TCTA: variants seen among roughly 807,000 people sequenced by gnomAD.
The protein encoded by TCTA is T cell leukemia translocation altered.
A neutral mutation model predicts 13.5 loss-of-function variants in TCTA; 13 were observed. That is an observed-to-expected ratio of 0.96 (90% CI 0.63 to 1.53). TCTA has a LOEUF of 1.53. TCTA is among the 40% of genes most tolerant of loss of function. The pLI, the probability that TCTA is intolerant of heterozygous loss-of-function variation, is 0.00. For missense variants in TCTA, 138 were observed against 131.3 expected, an observed-to-expected ratio of 1.05 and a Z score of -0.25; for synonymous variants, 58 against 59.0, an observed-to-expected ratio of 0.98 and a Z score of 0.08.
Position 49,415,045 on chromosome 3 carries a change from G to A in TCTA, c.*183G>A, listed in dbSNP as rs1301770462. On this transcript the variant is annotated 3_prime_UTR_variant, in exon 3 of 3. Transcript: ENST00000273590. ...AGCCTGCTCCCTCACCCAGGCACTG[G>A]GCAAGTGAAGAGTTTGCCTGTACTC... 1.6e-6 allele frequency: 1 copy of A among 641,880 alleles called. No individual in the cohort carries two copies. The highest frequency in any genetic ancestry group is 2.8e-5 in the East Asian group (1 of 35,550). The allele number at this position is 641,880 out of a possible 1,614,324, so 39.8% of individuals were successfully genotyped here. A position where few individuals can be genotyped will look rare whatever the true frequency, so the allele number is the denominator to read the frequency against.
chr3:49,412,692 T>G (rs1235857336), intron 1 of TCTA, 52 bp downstream of exon 1: 1 of 1,508,856 alleles, frequency 6.6e-7, no homozygotes, highest in Admixed American at 1.9e-5. Flanking sequence ...CCCCACCCTC[T>G]CCCGACTGTA....
At chr3:49,413,410 A>G (rs2048973903) in intron 2 of TCTA, 1 of 423,350 alleles carries the variant, frequency 2.4e-6, no homozygotes, top group Non-Finnish European at 4.4e-6. Flanking sequence ...TTGGGAAGGC[A>G]GTAATCTCTG....
Position 49,415,261 on chromosome 3 carries a change from A to C in TCTA, c.*399A>C, listed in dbSNP as rs1270339806. The C allele has an allele frequency of 5.8e-6, 1 of 171,294 alleles. No individual in the cohort carries two copies. The highest frequency in any genetic ancestry group is 1.3e-5 in the Non-Finnish European group (1 of 79,312). 10.6% of individuals were successfully genotyped at this position (171,294 alleles called of 1,614,324 possible). ...GCCAGGCATGGTGGCTCACGCCTGT[A>C]ATCCCAACACTTTGGGAGGCTGAGG... On this transcript the variant is annotated 3_prime_UTR_variant, in exon 3 of 3. Transcript: ENST00000273590.
Position 49,412,484 on chromosome 3 carries a change from G to T in TCTA, c.58G>T (p.Ala20Ser), listed in dbSNP as rs1360820895. 1 of 1,613,938 alleles carries T rather than the reference G, an allele frequency of 6.2e-7. No homozygotes were observed. The highest frequency in any genetic ancestry group is 8.5e-7 in the Non-Finnish European group (1 of 1,179,978). ...GGCTCTGCCGGCCACGGTGCTGGGCGCGCTGGGCAGCGAGTTCTTGCGGGA... is the reference window on the plus strand; with the variant it reads ...GGCTCTGCCGGCCACGGTGCTGGGCTCGCTGGGCAGCGAGTTCTTGCGGGA... ...LQALPATVLG[A>S]LGSEFLREWE... Residue 20 changes from alanine to serine, a missense_variant, in exon 1 of 3, where the codon GCG becomes TCG. Ala to Ser is a moderately conservative substitution (Grantham distance 99). Transcript: ENST00000273590.
chr3:49,413,163 C>T, intron 2 of TCTA, 53 bp downstream of exon 2: 2 of 1,600,648 alleles, frequency 1.2e-6, no homozygotes, highest in Non-Finnish European at 8.6e-7. Context: ...CAAGGACACT[C>T]CTGTGCTGGT....
rs903898778 is a variant in TCTA at position 49,415,431 on chromosome 3, G to T, written c.*569G>T. 1.3e-5 allele frequency: 2 copies of T among 153,620 alleles called. No homozygotes were observed. The highest frequency in any genetic ancestry group is 6.5e-5 in the Admixed American group (1 of 15,346). 9.5% of individuals were successfully genotyped at this position (153,620 alleles called of 1,614,324 possible). ...CTCAGGAGGCTGAAGCAGGAGATTT[G>T]CTTGAACCTGGGAGGCAGAGGTTGC... On this transcript the variant is annotated 3_prime_UTR_variant, in exon 3 of 3. Transcript: ENST00000273590.
intron 2 of TCTA, among the ~76,000 whole-genome samples, chr3:49,414,331 T>G (rs1201711229): frequency 6.6e-6 from 1 of 151,710 alleles, no homozygotes; most frequent in Non-Finnish European, 1.5e-5. Context: ...GCCAGGAGTT[T>G]GAGACCAGCC....
Position 49,413,947 on chromosome 3 carries a change from C to T in TCTA, c.269+837C>T, listed in dbSNP as rs1419255489. 2.6e-5 allele frequency among the ~76,000 whole-genome samples: 4 copies of T among 152,164 alleles called. No homozygotes were observed. In the East Asian group the frequency reaches 5.8e-4, roughly 22 times the overall value. ...AGGCTGCCACTGCCCAGGTTTCTGTCTTAGAGAAGAGGCCAGGCCCCATGG... is the reference window on the plus strand; with the variant it reads ...AGGCTGCCACTGCCCAGGTTTCTGTTTTAGAGAAGAGGCCAGGCCCCATGG... On this transcript the variant is annotated intron_variant, in intron 2 of 2. Transcript: ENST00000273590.
At chr3:49,413,247 T>C (rs2048972181) in intron 2 of TCTA, 137 bp downstream of exon 2, 1 of 926,498 alleles carries the variant, frequency 1.1e-6, no homozygotes, top group South Asian at 1.5e-5. Flanking sequence ...AGTCTGCACG[T>C]AGAGCTCAGG....
At position 49,412,609 on chromosome 3, in the gene TCTA, G is replaced by C. The variant is rs777307615; in HGVS notation, c.183G>C (p.Gly61=). Residue 61 remains glycine, a synonymous_variant, in exon 1 of 3, where the codon GGG becomes GGC. Transcript: ENST00000273590. ...LGIQLAWGFY[G]NTVTGLYHRP... ...TCCAGCTGGCGTGGGGGTTCTACGG[G>C]AATACAGTGACCGGGTTGTATCACC... 3.9e-5 allele frequency: 63 copies of C among 1,614,116 alleles called. No homozygotes were observed. Among genetic ancestry groups the C allele is most frequent in the Non-Finnish European group, 5.3e-5 (63 of 1,180,034 alleles).
Position 49,415,173 on chromosome 3 carries a change from G to T in TCTA, c.*311G>T, listed in dbSNP as rs2048990418. ...AAGACCATCAGTTCTTTTGTCTTAG[G>T]TTTCTTTTCCTGTCCCTCTTCCATC... On this transcript the variant is annotated 3_prime_UTR_variant, in exon 3 of 3. Transcript: ENST00000273590. 2 of 273,640 alleles carry T rather than the reference G, an allele frequency of 7.3e-6. No individual in the cohort carries two copies. Among genetic ancestry groups the T allele is most frequent in the Non-Finnish European group, 1.4e-5 (2 of 143,770 alleles). The allele number at this position is 273,640 out of a possible 1,614,324, so 17.0% of individuals were successfully genotyped here. A position where few individuals can be genotyped will look rare whatever the true frequency, so the allele number is the denominator to read the frequency against.
At chr3:49,413,519 ACG>A (rs1300515740) in intron 2 of TCTA, 1 of 164,192 alleles carries the variant, frequency 6.1e-6, no homozygotes, top group Non-Finnish European at 1.3e-5. Context: ...GGCCCCTATC[ACG>A]TGATAGGGGC....
In TCTA at chr3:49,414,855, G is replaced by C; in HGVS notation, c.305G>C (p.Arg102Thr). ...GCAAACGAACCTCTCAAAACCCACA[G>C]AGAATAAGGGAAGGCAGCAGAGGGT... ...MAANEPLKTH[R>T]E Residue 102 changes from arginine to threonine, a missense_variant, in exon 3 of 3, where the codon AGA (arginine) becomes ACA (threonine). Physicochemically the swap from Arg to Thr is moderately conservative, Grantham distance 71. Transcript: ENST00000273590. 1 of 1,613,944 alleles carries C rather than the reference G, an allele frequency of 6.2e-7. No homozygotes were observed. Among genetic ancestry groups the C allele is most frequent in the Non-Finnish European group, 8.5e-7 (1 of 1,179,860 alleles).
In TCTA at chr3:49,415,203, A is replaced by G. The variant is rs956984076; in HGVS notation, c.*341A>G. 1 of 208,592 alleles carries G rather than the reference A, an allele frequency of 4.8e-6. No homozygotes were observed. The highest frequency in any genetic ancestry group is 5.7e-5 in the Admixed American group (1 of 17,502). 12.9% of individuals were successfully genotyped at this position (208,592 alleles called of 1,614,324 possible). Reference sequence around the variant, plus strand: ...TTTTCCTGTCCCTCTTCCATCCCCAAGATGTGACCCCATAAAAATTTTTCC... The same window carrying G: ...TTTTCCTGTCCCTCTTCCATCCCCAGGATGTGACCCCATAAAAATTTTTCC... On this transcript the variant is annotated 3_prime_UTR_variant, in exon 3 of 3. Coordinates refer to ENST00000273590, the MANE Select transcript of TCTA (RefSeq NM_022171.3).
rs745317661 is a variant in TCTA, at chr3:49,413,108, G to T, written c.267G>T (p.Ser89=). Residue 89 remains serine, a splice_region_variant and synonymous_variant, in exon 2 of 3, where the codon TCG becomes TCT. Transcript: ENST00000273590. The stretch of plus-strand genomic sequence containing the variant: ...CTGATGGCTCCACGCATTTCCCTTC[G>T]TGGTGAGTAAATCTGTCCATACCGC... The part of the protein sequence containing the change: ...STPDGSTHFP[S]WEMAANEPLK... The T allele has an allele frequency of 3.1e-6, 5 of 1,614,040 alleles. No individual in the cohort carries two copies. In the South Asian group the frequency reaches 3.3e-5, roughly 11 times the overall value.
Position 49,412,456 on chromosome 3 carries a change from G to A in TCTA, c.30G>A (p.Leu10=). 2 of 1,612,486 alleles carry A rather than the reference G, an allele frequency of 1.2e-6. No homozygotes were observed. Among genetic ancestry groups the A allele is most frequent in the Non-Finnish European group, 8.5e-7 (1 of 1,179,832 alleles). ...CGGAGTCCTGGTCTGGGCAGGCCTT[G>A]CAGGCTCTGCCGGCCACGGTGCTGG... The part of the protein sequence containing the change: MAESWSGQA[L]QALPATVLGA... The change falls in exon 1 of 3, where the codon TTG becomes TTA. Residue 10 remains leucine, a synonymous_variant. Coordinates refer to ENST00000273590, the MANE Select transcript of TCTA (RefSeq NM_022171.3).
intron 1 of TCTA, 191 bp from the exon 2 acceptor site, chr3:49,412,865 G>A: frequency 1.4e-6 from 1 of 730,594 alleles, no homozygotes; most frequent in South Asian, 1.8e-5. Flanking sequence ...TTTTACGCCA[G>A]AATCCCCACC....
chr3:49,413,275 A>G (rs1336995749), intron 2 of TCTA, 165 bp downstream of exon 2: 9 of 708,224 alleles, frequency 1.3e-5, no homozygotes, highest in Admixed American at 6.9e-5. Context: ...TTAGGGTGAC[A>G]CCAAGGTCTG....
chr3:49,414,756 A>G, intron 2 of TCTA, 64 bp from the exon 3 acceptor site: 3 of 1,606,312 alleles, frequency 1.9e-6, no homozygotes, highest in South Asian at 2.2e-5. Flanking sequence ...TGGGAGAGCC[A>G]ATTTCAGCAA....
Sources: gnomAD v4.1 joint callset for allele counts (sites outside exome capture counted in the v4.1 genomes callset) on GRCh38, gnomAD v4.1.1 for gene constraint, MANE v1.5 for transcripts, NCBI Gene and HGNC (gene_info 2026-07-23, HGNC 2026-07-21) for gene names.